The following SCN1A variants were observed in gnomAD, a reference collection of about 807,000 sequenced individuals.
SCN1A encodes sodium channel protein type 1 subunit alpha.
In SCN1A, 13 loss-of-function variants were observed where a neutral mutation model predicts 193.7. The observed-to-expected ratio is 0.07, with a 90% CI of 0.04 to 0.11. SCN1A has a LOEUF of 0.11. Ranked by LOEUF, SCN1A falls within the 10% of genes least tolerant of loss-of-function variation. The pLI is 1.00. For synonymous variants in SCN1A, 781 were observed against 843.6 expected, an observed-to-expected ratio of 0.93 and a Z score of 1.29; for missense variants, 1,432 against 2,451.1, an observed-to-expected ratio of 0.58 and a Z score of 8.78.
chr2:166,043,749 C>T lies in SCN1A; in HGVS notation c.1963G>A (p.Gly655Ser). 1 of 1,614,152 alleles carries T rather than the reference C, an allele frequency of 6.2e-7. No individual in the cohort carries two copies. Among genetic ancestry groups the T allele is most frequent in the Non-Finnish European group, 8.5e-7 (1 of 1,180,022 alleles). The change falls in exon 14 of 29, where the codon GGT (glycine) becomes AGT (serine). Residue 655 changes from glycine to serine, a missense_variant. Transcript: ENST00000674923. ...GGCGATGTAGGAACTGAAGGTCCAC[C>T]AACCAAGGAAACCACACCATTGCAA... The part of the protein sequence containing the change: ...VDCNGVVSLV[G>S]GPSVPTSPVG...
intron 22 of SCN1A, among the ~76,000 whole-genome samples, chr2:166,010,580 T>C (rs1275255196): frequency 6.6e-6 from 1 of 151,272 alleles, no homozygotes; most frequent in Non-Finnish European, 1.5e-5. Flanking sequence ...AAATCTTACG[T>C]ATCTAATTCT....
At chr2:166,094,214 G>A (rs954640697) in intron 2 of SCN1A, among the ~76,000 whole-genome samples, 1 of 152,154 alleles carries the variant, frequency 6.6e-6, no homozygotes, top group Non-Finnish European at 1.5e-5. Flanking sequence ...AGAAAACAAG[G>A]AATGACCCTT....
chr2:166,039,737 G>T, intron 16 of SCN1A, 141 bp from the exon 17 acceptor site: 1 of 733,618 alleles, frequency 1.4e-6, no homozygotes, highest in Non-Finnish European at 2.3e-6. Flanking sequence ...ATTTGTAGTT[G>T]ATGAAAGACT....
At chr2:166,010,736 T>A (rs113554844) in intron 22 of SCN1A, among the ~76,000 whole-genome samples, 4,646 of 151,260 alleles carry the variant, frequency 0.031, 270 homozygotes, top group African/African-American at 0.11. Flanking sequence ...TTGTATCATA[T>A]TTAATATACT....
At chr2:166,043,539 A>G (rs1488597639) in intron 14 of SCN1A, 130 bp downstream of exon 14, 4 of 986,350 alleles carry the variant, frequency 4.1e-6, no homozygotes, top group Non-Finnish European at 5.8e-6. Flanking sequence ...TATTAAAGAT[A>G]TTACAAGATG....
chr2:166,129,003 C>T (rs929571980), upstream of SCN1A, among the ~76,000 whole-genome samples: 2 of 151,248 alleles, frequency 1.3e-5, no homozygotes, highest in African/African-American at 4.9e-5. Flanking sequence ...AATATTTCAT[C>T]CTCATTATTT....
chr2:165,993,897 G>A, intron 28 of SCN1A: 1 of 560,500 alleles, frequency 1.8e-6, no homozygotes, highest in Non-Finnish European at 3.2e-6. Flanking sequence ...TAATAGCACA[G>A]TTCTAGTTCA....
chr2:165,989,028 C>CTGTGTGTGTGTGTGTG lies in SCN1A; in HGVS notation c.*2201_*2216dup, dbSNP rs140461403. On this transcript the variant is annotated 3_prime_UTR_variant, in exon 29 of 29. Transcript: ENST00000674923. Reference sequence around the variant, plus strand: ...TTTTGTTGTCAACGTGGGTATGCCTCTGTGTGTGTGTGTGTGTGTGTGTGT... The same window carrying CTGTGTGTGTGTGTGTG: ...TTTTGTTGTCAACGTGGGTATGCCTCTGTGTGTGTGTGTGTGTGTGTGTGTGTGTGTGTGTGTGTGT... 5.8e-5 allele frequency: 6 copies of CTGTGTGTGTGTGTGTG among 103,852 alleles called. No individual in the cohort carries two copies. Among genetic ancestry groups the CTGTGTGTGTGTGTGTG allele is most frequent in the African/African-American group, 1.9e-4 (6 of 30,822 alleles). 6.4% of individuals were successfully genotyped at this position (103,852 alleles called of 1,614,324 possible). A position where few individuals can be genotyped will look rare whatever the true frequency, so the allele number is the denominator to read the frequency against.
chr2:166,093,421 C>T (rs1336707379), intron 2 of SCN1A, among the ~76,000 whole-genome samples: 1 of 152,008 alleles, frequency 6.6e-6, no homozygotes. Context: ...TCACTGCAAG[C>T]TCCACCTCCC....
At chr2:166,063,804 TA>T (rs1191786111) in intron 4 of SCN1A, among the ~76,000 whole-genome samples, 1 of 152,108 alleles carries the variant, frequency 6.6e-6, no homozygotes, top group African/African-American at 2.4e-5. Context: ...GAAATTGATA[TA>T]AAAAATTTTT....
intron 14 of SCN1A, among the ~76,000 whole-genome samples, chr2:166,042,666 C>T (rs1485821090): frequency 2.6e-5 from 4 of 151,930 alleles, no homozygotes; most frequent in Admixed American, 1.3e-4. Context: ...TTATAAAATA[C>T]AAAATAATTT....
rs566016658 is a variant in SCN1A, at chr2:165,989,557, A to G, written c.*1688T>C. The G allele has an allele frequency of 3.3e-5, 5 of 152,402 alleles. No homozygotes were observed. In the South Asian group the frequency reaches 1.0e-3, roughly 32 times the overall value. 9.4% of individuals were successfully genotyped at this position (152,402 alleles called of 1,614,324 possible). A position where few individuals can be genotyped will look rare whatever the true frequency, so the allele number is the denominator to read the frequency against. ...AATTTTAAACCCTTTTCCAATTGCAAAGCATAATTTGGATATGAATCGTGA... is the reference window on the plus strand; with the variant it reads ...AATTTTAAACCCTTTTCCAATTGCAGAGCATAATTTGGATATGAATCGTGA... On this transcript the variant is annotated 3_prime_UTR_variant, in exon 29 of 29. Coordinates refer to ENST00000674923, the MANE Select transcript of SCN1A (RefSeq NM_001165963.4).
chr2:166,050,623 ATATATATATATATATG>A lies in SCN1A; in HGVS notation c.964+1080_964+1095del, dbSNP rs200062284. On this transcript the variant is annotated intron_variant, in intron 9 of 28. Transcript: ENST00000674923. ...AACTCATTAAAAAAAGTATATATAT[ATATATATATATATATG>A]TGTGTATATATTTTTTTTTTGTAGA... Among the ~76,000 whole-genome samples, 732 of 97,000 alleles carry A rather than the reference ATATATATATATATATG, an allele frequency of 7.5e-3. 39 individuals carry two copies. The highest frequency in any genetic ancestry group is 0.027 in the African/African-American group (681 of 25,376). The allele number at this position is 97,000 out of a possible 152,430, so 63.6% of individuals were successfully genotyped here. A position where few individuals can be genotyped will look rare whatever the true frequency, so the allele number is the denominator to read the frequency against.
At chr2:166,105,327 T>C (rs914985776) in intron 2 of SCN1A, among the ~76,000 whole-genome samples, 5 of 152,242 alleles carry the variant, frequency 3.3e-5, no homozygotes, top group African/African-American at 7.2e-5. Flanking sequence ...CCACCAGGCC[T>C]GAATGTAAAT....
intron 8 of SCN1A, among the ~76,000 whole-genome samples, chr2:166,052,457 C>T (rs1698673148): frequency 6.6e-6 from 1 of 151,934 alleles, no homozygotes; most frequent in African/African-American, 2.4e-5. Flanking sequence ...TGCAGACTCA[C>T]ACTATTCTTT....
At chr2:166,129,689 T>A (rs138578838), upstream of SCN1A, among the ~76,000 whole-genome samples, 55 of 152,348 alleles carry the variant, frequency 3.6e-4, no homozygotes, top group East Asian at 9.4e-3. Context: ...GCAATTTTTT[T>A]AGAATAATAC....
rs184394680 is a variant in SCN1A at position 166,023,091 on chromosome 2, T to C, written c.3430-7364A>G. Among the ~76,000 whole-genome samples, 4 of 152,382 alleles carry C rather than the reference T, an allele frequency of 2.6e-5. No homozygotes were observed. The East Asian group carries it at 7.7e-4, about 29-fold the overall frequency. On this transcript the variant is annotated intron_variant, in intron 19 of 28. Transcript: ENST00000674923. The stretch of plus-strand genomic sequence containing the variant: ...CAACATGGTGCCTCTATGAATATTT[T>C]ATAGCTATACCTCATTACAATAAGT...
chr2:165,995,414 A>G (rs1443604850), intron 27 of SCN1A, among the ~76,000 whole-genome samples: 2 of 151,764 alleles, frequency 1.3e-5, no homozygotes, highest in Non-Finnish European at 2.9e-5. Context: ...TTATTTCATC[A>G]TGGAAGCATG....
At chr2:165,997,356 A>T (rs182389004) in intron 26 of SCN1A, among the ~76,000 whole-genome samples, 1 of 151,500 alleles carries the variant, frequency 6.6e-6, no homozygotes. Context: ...TACAACAATA[A>T]GAGTATGTGC....
Sources: allele counts gnomAD v4.1 joint callset (sites outside exome capture counted in the v4.1 genomes callset), GRCh38; gene constraint gnomAD v4.1.1; transcripts MANE v1.5; gene names NCBI Gene and HGNC (gene_info 2026-07-23, HGNC 2026-07-21).